Variants in KCNT2 observed in about 807,000 individuals in gnomAD.
KCNT2 encodes potassium sodium-activated channel subfamily T member 2, also known as potassium channel subfamily T member 2.
Under a neutral mutation model 153.8 loss-of-function variants are expected in KCNT2, and 67 were observed. The observed-to-expected ratio is 0.44, with a 90% confidence interval of 0.36 to 0.53. The LOEUF is 0.53. Among genes scored for constraint, KCNT2 ranks in the 20% least tolerant of loss-of-function variants. KCNT2 has a pLI of 0.00. For missense variants in KCNT2, 975 were observed against 1,354.8 expected (o/e 0.72, Z 4.40); for synonymous variants, 500 against 458.8 (o/e 1.09, Z -1.15).
chr1:196,354,104 T>A (rs1553297720), intron 14 of KCNT2, among the ~76,000 whole-genome samples: 1 of 152,010 alleles, frequency 6.6e-6, no homozygotes, highest in Non-Finnish European at 1.5e-5. Flanking sequence ...GAAAGTAGAA[T>A]TTATTTTTTT....
chr1:196,236,112 G>A, intron 26 of KCNT2, 42 bp from the exon 27 acceptor site: 1 of 1,049,932 alleles, frequency 9.5e-7, no homozygotes, highest in Non-Finnish European at 1.5e-6. Context: ...ACTGCTTATA[G>A]AAAATTACAG....
At chr1:196,541,032 C>CTCCA (rs971134954) in intron 1 of KCNT2, among the ~76,000 whole-genome samples, 1 of 151,804 alleles carries the variant, frequency 6.6e-6, no homozygotes, top group African/African-American at 2.4e-5. Flanking sequence ...CGCCACTGCA[C>CTCCA]TCCAGCCTGG....
intron 1 of KCNT2, among the ~76,000 whole-genome samples, chr1:196,566,386 C>A (rs1479492634): frequency 2.0e-5 from 3 of 151,950 alleles, no homozygotes; most frequent in African/African-American, 7.3e-5. Context: ...TAGATTGTGT[C>A]TTTTCAGTCA....
At chr1:196,426,036 G>A in intron 10 of KCNT2, 48 bp from the exon 11 acceptor site, 2 of 1,421,926 alleles carry the variant, frequency 1.4e-6, no homozygotes, top group East Asian at 2.3e-5. Context: ...AATGTTTTAT[G>A]TTACACTACA....
chr1:196,594,548 G>A (rs780819643), intron 1 of KCNT2, among the ~76,000 whole-genome samples: 1 of 152,054 alleles, frequency 6.6e-6, no homozygotes, highest in Non-Finnish European at 1.5e-5. Context: ...GTTAAATAAT[G>A]TAGGAGGATC....
chr1:196,376,812 G>T lies in KCNT2; in HGVS notation c.1295-3564C>A, dbSNP rs115393223. ...TAATCATTAGGTCAGCTTACTTTCT[G>T]ACCCGCTTCCTCATAGTTGTTTCCC... is the stretch of plus-strand genomic sequence containing the variant. On this transcript the variant is annotated intron_variant, in intron 13 of 27. Coordinates refer to ENST00000294725, the MANE Select transcript of KCNT2 (RefSeq NM_198503.5). Among the ~76,000 whole-genome samples the T allele has an allele frequency of 4.5e-3, 683 of 152,060 alleles. 4 individuals are homozygous for T. The highest frequency in any genetic ancestry group is 0.015 in the African/African-American group (621 of 41,538).
At chr1:196,238,031 A>G (rs185197703) in intron 26 of KCNT2, among the ~76,000 whole-genome samples, 1 of 152,024 alleles carries the variant, frequency 6.6e-6, no homozygotes, top group African/African-American at 2.4e-5. Flanking sequence ...GTAATAATCT[A>G]AAAAGTAAGA....
chr1:196,522,565 T>C (rs979882627), intron 1 of KCNT2, among the ~76,000 whole-genome samples: 1 of 152,220 alleles, frequency 6.6e-6, no homozygotes, highest in Non-Finnish European at 1.5e-5. Flanking sequence ...AAAAATAAGC[T>C]ACTCATACTA....
intron 1 of KCNT2, among the ~76,000 whole-genome samples, chr1:196,525,396 T>G (rs1654039327): frequency 6.6e-6 from 1 of 152,196 alleles, no homozygotes; most frequent in South Asian, 2.1e-4. Flanking sequence ...TTTCCCTGTT[T>G]AATAGCTCTT....
chr1:196,477,017 G>T (rs1444323299), intron 5 of KCNT2, among the ~76,000 whole-genome samples: 3 of 151,928 alleles, frequency 2.0e-5, no homozygotes, highest in Non-Finnish European at 4.4e-5. Flanking sequence ...GATACTTTTT[G>T]TTCCTCAGAT....
intron 8 of KCNT2, among the ~76,000 whole-genome samples, chr1:196,435,547 A>G (rs963624606): frequency 2.0e-5 from 3 of 151,784 alleles, no homozygotes; most frequent in Non-Finnish European, 4.4e-5. Flanking sequence ...GTCACATTTC[A>G]TTCTGAAATG....
chr1:196,452,224 A>G (rs754363496), intron 8 of KCNT2, among the ~76,000 whole-genome samples: 107 of 152,118 alleles, frequency 7.0e-4, no homozygotes, highest in Non-Finnish European at 1.2e-3. Flanking sequence ...TAATATCACT[A>G]ATCCCAGCTA....
chr1:196,607,152 G>A (rs1665408237), intron 1 of KCNT2, among the ~76,000 whole-genome samples: 1 of 152,152 alleles, frequency 6.6e-6, no homozygotes, highest in Non-Finnish European at 1.5e-5. Flanking sequence ...AAAAGAAATA[G>A]AGTGTATTGG....
chr1:196,347,184 C>T (rs1353405740), intron 14 of KCNT2, among the ~76,000 whole-genome samples: 1 of 152,036 alleles, frequency 6.6e-6, no homozygotes, highest in Non-Finnish European at 1.5e-5. Flanking sequence ...TATTAAATGC[C>T]AAGTTTTTGT....
At chr1:196,597,526 G>A (rs192948044) in intron 1 of KCNT2, among the ~76,000 whole-genome samples, 1 of 151,916 alleles carries the variant, frequency 6.6e-6, no homozygotes, top group Non-Finnish European at 1.5e-5. Flanking sequence ...ATAGGAGAGT[G>A]GATAAGAATA....
At chr1:196,320,704 A>G (rs1663212884) in intron 19 of KCNT2, among the ~76,000 whole-genome samples, 2 of 149,020 alleles carry the variant, frequency 1.3e-5, no homozygotes, top group South Asian at 4.2e-4. Flanking sequence ...ATACAGCAAA[A>G]CATTTAAAGA....
At chr1:196,383,011 A>G (rs897422368) in intron 13 of KCNT2, among the ~76,000 whole-genome samples, 1 of 152,130 alleles carries the variant, frequency 6.6e-6, no homozygotes, top group Non-Finnish European at 1.5e-5. Context: ...TGGGAAAAAA[A>G]TGAAAAACAA....
chr1:196,333,086 A>T, intron 17 of KCNT2, among the ~76,000 whole-genome samples: 1 of 150,084 alleles, frequency 6.7e-6, no homozygotes. Flanking sequence ...CACTGTGCCC[A>T]GCTGCAAGTT....
intron 1 of KCNT2, among the ~76,000 whole-genome samples, chr1:196,508,534 G>A (rs1681346370): frequency 6.6e-6 from 1 of 152,038 alleles, no homozygotes. Flanking sequence ...TCATAATTGG[G>A]AGAAGATATT....
Sources: gnomAD v4.1 joint callset for allele counts (sites outside exome capture counted in the v4.1 genomes callset) on GRCh38, gnomAD v4.1.1 for gene constraint, MANE v1.5 for transcripts, NCBI Gene and HGNC (gene_info 2026-07-23, HGNC 2026-07-21) for gene names.